EPSTI1: variants seen among roughly 807,000 people sequenced by gnomAD.
EPSTI1 encodes the protein epithelial-stromal interaction protein 1.
A neutral mutation model predicts 49.9 loss-of-function variants in EPSTI1; 66 were observed. That is an observed-to-expected ratio of 1.32 (90% CI 1.08 to 1.62). EPSTI1 has a LOEUF of 1.62. Among genes scored for constraint, EPSTI1 ranks in the 40% most tolerant of loss-of-function variants. The pLI is 0.00. For synonymous variants in EPSTI1, 137 were observed against 130.7 expected, an observed-to-expected ratio of 1.05 and a Z score of -0.33; for missense variants, 394 against 365.5, an observed-to-expected ratio of 1.08 and a Z score of -0.64.
At chr13:42,965,768 T>TCGTCTC (rs1259463172) in intron 3 of EPSTI1, among the ~76,000 whole-genome samples, 1 of 3,426 alleles carries the variant, frequency 2.9e-4, no homozygotes, top group African/African-American at 5.4e-4. Flanking sequence ...TCCCTCTCCC[T>TCGTCTC]CCTCTCCCTC....
At position 42,969,168 on chromosome 13, in the gene EPSTI1, T is replaced by G; in HGVS notation, c.257A>C (p.Gln86Pro). The part of the protein sequence containing the change: ...RRNEIQRIAE[Q>P]ELANLEKWKE... ...CCACTTCTCCAGGTTGGCCAGCTCC[T>G]GCTCCGCAACTAAGCCAGGCGAGAA... Residue 86 changes from glutamine (Q) to proline (P), a missense_variant, in exon 3 of 11, where the codon CAG (glutamine) becomes CCG (proline). Transcript: ENST00000313624. 1 of 1,614,042 alleles carries G rather than the reference T, an allele frequency of 6.2e-7. No individual in the cohort carries two copies.
intron 5 of EPSTI1, among the ~76,000 whole-genome samples, chr13:42,955,929 G>A (rs540904808): frequency 1.7e-4 from 25 of 148,546 alleles, no homozygotes; most frequent in Admixed American, 2.7e-4. Context: ...TTGAAAAATT[G>A]TATTCAATCC....
chr13:42,916,434 G>A (rs1232461541), intron 8 of EPSTI1, among the ~76,000 whole-genome samples: 1 of 152,040 alleles, frequency 6.6e-6, no homozygotes, highest in Non-Finnish European at 1.5e-5. Flanking sequence ...CCATATGCTG[G>A]GCGAAACTAT....
chr13:42,955,846 A>G (rs1167063408), intron 5 of EPSTI1, among the ~76,000 whole-genome samples: 3 of 128,794 alleles, frequency 2.3e-5, no homozygotes, highest in African/African-American at 8.6e-5. Flanking sequence ...TTTATGCCTC[A>G]GCAGAAGTTG....
At chr13:42,938,743 A>G (rs2038647135) in intron 6 of EPSTI1, among the ~76,000 whole-genome samples, 1 of 151,674 alleles carries the variant, frequency 6.6e-6, no homozygotes, top group South Asian at 2.1e-4. Context: ...GTGAAACACC[A>G]TCTCTACTAA....
chr13:42,979,598 A>AG lies in EPSTI1; in HGVS notation c.189-8929_189-8928insC, dbSNP rs1555270104. ...AGACTCCGTCTCAAAAAAAAAAAAAAAAAAGAAAAGAAAAGAAATTTTAAG... is the reference window on the plus strand; with the variant it reads ...AGACTCCGTCTCAAAAAAAAAAAAAAGAAAAGAAAAGAAAAGAAATTTTAAG... On this transcript the variant is annotated intron_variant, in intron 1 of 10. Transcript: ENST00000313624. 3.1e-3 allele frequency among the ~76,000 whole-genome samples: 391 copies of AG among 127,602 alleles called. 3 individuals are homozygous for AG. Among genetic ancestry groups the AG allele is most frequent in the African/African-American group, 0.01 (352 of 34,534 alleles). The allele number at this position is 127,602 out of a possible 152,430, so 83.7% of individuals were successfully genotyped here.
intron 5 of EPSTI1, among the ~76,000 whole-genome samples, chr13:42,961,197 G>A (rs1335169261): frequency 1.3e-5 from 2 of 152,132 alleles, no homozygotes; most frequent in Non-Finnish European, 2.9e-5. Context: ...TTTTCATTTA[G>A]TGCTAAGCAG....
chr13:42,956,438 A>G (rs765346001), intron 5 of EPSTI1, among the ~76,000 whole-genome samples: 1 of 152,210 alleles, frequency 6.6e-6, no homozygotes, highest in Non-Finnish European at 1.5e-5. Context: ...GAGGAGGAGA[A>G]GGTAGGAACA....
intron 5 of EPSTI1, among the ~76,000 whole-genome samples, chr13:42,956,727 G>C (rs74564280): frequency 6.6e-6 from 1 of 152,054 alleles, no homozygotes; most frequent in Non-Finnish European, 1.5e-5. Context: ...GACAGGAAAG[G>C]GGCATTCCCA....
intron 7 of EPSTI1, among the ~76,000 whole-genome samples, chr13:42,923,294 C>T (rs942876222): frequency 2.0e-5 from 3 of 152,178 alleles, no homozygotes; most frequent in Non-Finnish European, 4.4e-5. Flanking sequence ...GGTGCGGTGG[C>T]TCACACCTGT....
intron 6 of EPSTI1, among the ~76,000 whole-genome samples, chr13:42,950,775 C>A (rs1265291835): frequency 6.6e-6 from 1 of 152,114 alleles, no homozygotes; most frequent in Non-Finnish European, 1.5e-5. Flanking sequence ...ATTTTATGTT[C>A]CTTCATTTAA....
In EPSTI1 at chr13:42,917,592, C is replaced by T; in HGVS notation, c.690G>A (p.Lys230=). 12 of 1,393,760 alleles carry T rather than the reference C, an allele frequency of 8.6e-6. No individual in the cohort carries two copies. The highest frequency in any genetic ancestry group is 1.2e-5 in the Non-Finnish European group (12 of 1,043,350). 86.3% of individuals were successfully genotyped at this position (1,393,760 alleles called of 1,614,324 possible). Residue 230 remains lysine, a synonymous_variant, in exon 8 of 11, where the codon AAG becomes AAA. Coordinates refer to ENST00000313624, the MANE Select transcript of EPSTI1 (RefSeq NM_033255.5). ...ARSWAYRDSL[K]AEENRKLQKM... is the part of the protein sequence containing the mutation. ...TTTGCAATTTTCTGTTTTCTTCTGCCTTTAGAGAATCTCTGTAAGCCCAGC... is the reference window on the plus strand; with the variant it reads ...TTTGCAATTTTCTGTTTTCTTCTGCTTTTAGAGAATCTCTGTAAGCCCAGC...
chr13:42,975,759 C>T (rs2039869250), intron 1 of EPSTI1, among the ~76,000 whole-genome samples: 1 of 151,994 alleles, frequency 6.6e-6, no homozygotes, highest in African/African-American at 2.4e-5. Flanking sequence ...ATAGAATCGA[C>T]CTGAGATGAT....
At chr13:42,974,999 C>T (rs2039853934) in intron 1 of EPSTI1, among the ~76,000 whole-genome samples, 1 of 151,294 alleles carries the variant, frequency 6.6e-6, no homozygotes, top group Non-Finnish European at 1.5e-5. Flanking sequence ...TACAGTCCTG[C>T]AAAAAGTTGA....
At chr13:42,976,880 T>C (rs755184031) in intron 1 of EPSTI1, among the ~76,000 whole-genome samples, 1 of 152,242 alleles carries the variant, frequency 6.6e-6, no homozygotes, top group Non-Finnish European at 1.5e-5. Flanking sequence ...ATACATATTA[T>C]TACACAGTTG....
intron 6 of EPSTI1, among the ~76,000 whole-genome samples, chr13:42,940,921 AGTT>A (rs2038731484): frequency 1.3e-5 from 2 of 151,870 alleles, no homozygotes; most frequent in Non-Finnish European, 2.9e-5. Flanking sequence ...CCAATTTTTG[AGTT>A]GTTATTTTCT....
chr13:42,943,673 C>A (rs1230159051), intron 6 of EPSTI1, among the ~76,000 whole-genome samples: 1 of 152,108 alleles, frequency 6.6e-6, no homozygotes, highest in Admixed American at 6.5e-5. Flanking sequence ...AGGAACTAGT[C>A]AACTTTTATT....
chr13:42,920,105 C>T (rs1424727128), intron 7 of EPSTI1, among the ~76,000 whole-genome samples: 1 of 152,124 alleles, frequency 6.6e-6, no homozygotes, highest in Non-Finnish European at 1.5e-5. Flanking sequence ...AATTTGAACC[C>T]ACTCTAGGAG....
chr13:42,973,295 C>G (rs2153433937), intron 1 of EPSTI1, among the ~76,000 whole-genome samples: 1 of 152,252 alleles, frequency 6.6e-6, no homozygotes, highest in East Asian at 1.9e-4. Context: ...AATAGAGAAA[C>G]ATAAAATAAA....
Sources: allele counts gnomAD v4.1 joint callset (sites outside exome capture counted in the v4.1 genomes callset), GRCh38; gene constraint gnomAD v4.1.1; transcripts MANE v1.5; gene names NCBI Gene and HGNC (gene_info 2026-07-23, HGNC 2026-07-21).